Variants in TOP3A observed in about 807,000 individuals in gnomAD.
The protein encoded by TOP3A is DNA topoisomerase III alpha.
A neutral mutation model predicts 111.3 loss-of-function variants in TOP3A; 64 were observed. The ratio of observed to expected loss-of-function variants is 0.57; its 90% confidence interval spans 0.47 to 0.71. TOP3A has a LOEUF of 0.71. Among genes scored for constraint, TOP3A ranks in the 30% least tolerant of loss-of-function variants. TOP3A has a pLI of 0.00. For missense variants in TOP3A, 1,104 were observed against 1,285.0 expected (o/e 0.86, Z 2.15); for synonymous variants, 484 against 485.1 (o/e 1.00, Z 0.03).
intron 15 of TOP3A, among the ~76,000 whole-genome samples, chr17:18,283,788 A>AGG (rs1979916537): frequency 6.6e-6 from 1 of 152,090 alleles, no homozygotes; most frequent in African/African-American, 2.4e-5. Context: ...CCTTGGTTTG[A>AGG]TTCTCAATAG....
In TOP3A at chr17:18,273,082, G is replaced by C. The variant is rs1979096811; in HGVS notation, c.*1720C>G. ...CAGGGCCACAACCCACACCCACTCG[G>C]AGATGTTCCAGGAACAATCTCAGGA... On this transcript the variant is annotated 3_prime_UTR_variant, in exon 19 of 19. Coordinates refer to ENST00000321105, the MANE Select transcript of TOP3A (RefSeq NM_004618.5). 1 of 152,034 alleles carries C rather than the reference G, an allele frequency of 6.6e-6. No individual in the cohort carries two copies. The highest frequency in any genetic ancestry group is 2.4e-5 in the African/African-American group (1 of 41,370). 9.4% of individuals were successfully genotyped at this position (152,034 alleles called of 1,614,324 possible). A position where few individuals can be genotyped will look rare whatever the true frequency, so the allele number is the denominator to read the frequency against.
chr17:18,275,093 A>T, intron 18 of TOP3A, 113 bp from the exon 19 acceptor site: 1 of 1,436,228 alleles, frequency 7.0e-7, no homozygotes, highest in Non-Finnish European at 9.3e-7. Flanking sequence ...CTGAGGGAGG[A>T]GGATTGCTTG....
Position 18,305,133 on chromosome 17 carries a change from T to C in TOP3A, c.478A>G (p.Ile160Val). 1 of 1,614,138 alleles carries C rather than the reference T, an allele frequency of 6.2e-7. No individual in the cohort carries two copies. The highest frequency in any genetic ancestry group is 1.1e-5 in the South Asian group (1 of 91,080). ...DREGENIGFE[I>V]IHVCKAVKPN... ...TTACCAGCCTTACACACGTGGATAA[T>C]CTCAAACCCGATGTTTTCGCCTTCT... The change falls in exon 5 of 19, where the codon ATT becomes GTT. Residue 160 changes from isoleucine to valine, a missense_variant. Transcript: ENST00000321105.
intron 9 of TOP3A, among the ~76,000 whole-genome samples, chr17:18,298,447 G>A (rs1174042906): frequency 4.1e-5 from 6 of 147,518 alleles, no homozygotes; most frequent in South Asian, 2.2e-4. Context: ...TCAGCCCCCC[G>A]CCCGGCCAGC....
chr17:18,284,480 C>T (rs1979968970), intron 15 of TOP3A, among the ~76,000 whole-genome samples: 1 of 152,150 alleles, frequency 6.6e-6, no homozygotes, highest in East Asian at 1.9e-4. Flanking sequence ...CCAGACCGAT[C>T]CCAAGGCTAC....
Position 18,274,609 on chromosome 17 carries a change from T to G in TOP3A, c.*193A>C, listed in dbSNP as rs1377546018. On this transcript the variant is annotated 3_prime_UTR_variant, in exon 19 of 19. Transcript: ENST00000321105. ...TCCTGAGGCCTGGGAAGAGGGTCAC[T>G]GTCCAGCAGAGCTGGCCTGCTCCAG... 3 of 909,800 alleles carry G rather than the reference T, an allele frequency of 3.3e-6. No homozygotes were observed. The African/African-American group carries it at 5.0e-5, about 15-fold the overall frequency. 56.4% of individuals were successfully genotyped at this position (909,800 alleles called of 1,614,324 possible).
chr17:18,287,188 G>T (rs894468885), intron 13 of TOP3A, among the ~76,000 whole-genome samples: 3 of 152,096 alleles, frequency 2.0e-5, no homozygotes, highest in African/African-American at 7.2e-5. Flanking sequence ...GTTTGAGGGT[G>T]CAAGTTCAAG....
At chr17:18,302,186 T>A in intron 7 of TOP3A, 78 bp downstream of exon 7, 1 of 1,490,448 alleles carries the variant, frequency 6.7e-7, no homozygotes, top group South Asian at 1.3e-5. Context: ...TCTTTATTAG[T>A]GCTATTAATG....
At chr17:18,283,773 C>T (rs1979915471) in intron 15 of TOP3A, among the ~76,000 whole-genome samples, 1 of 152,144 alleles carries the variant, frequency 6.6e-6, no homozygotes, top group Non-Finnish European at 1.5e-5. Flanking sequence ...TTCCTCAGAC[C>T]CCCTCCTTGG....
rs746026602 is a variant in TOP3A at position 18,306,888 on chromosome 17, T to C, written c.390+3A>G. 9.3e-6 allele frequency: 15 copies of C among 1,605,364 alleles called. No homozygotes were observed. Among genetic ancestry groups the C allele is most frequent in the East Asian group, 2.2e-5 (1 of 44,842 alleles). ...GTGCCATATGTCTTCCAAAAGACCCTACCTTGATGTCTACAAAATTCTCTG... is the reference window on the plus strand; with the variant it reads ...GTGCCATATGTCTTCCAAAAGACCCCACCTTGATGTCTACAAAATTCTCTG... On this transcript the variant is annotated splice_donor_region_variant and intron_variant, in intron 4 of 18. Coordinates refer to ENST00000321105, the MANE Select transcript of TOP3A (RefSeq NM_004618.5).
chr17:18,284,475 C>G (rs1979968375), intron 15 of TOP3A, among the ~76,000 whole-genome samples: 1 of 152,186 alleles, frequency 6.6e-6, no homozygotes, highest in African/African-American at 2.4e-5. Flanking sequence ...GACAACCAGA[C>G]CGATCCCAAG....
At chr17:18,314,231 T>C (rs1046877082) in intron 1 of TOP3A, among the ~76,000 whole-genome samples, 2 of 152,144 alleles carry the variant, frequency 1.3e-5, no homozygotes, top group African/African-American at 2.4e-5. Flanking sequence ...ATCTGGTCAG[T>C]AGTTCCCAAA....
chr17:18,287,993 C>G (rs1453240250), intron 13 of TOP3A, among the ~76,000 whole-genome samples: 1 of 151,466 alleles, frequency 6.6e-6, no homozygotes, highest in African/African-American at 2.4e-5. Context: ...GAGCAAAACT[C>G]CATCTCAAAC....
rs759893283 is a variant in TOP3A at position 18,301,930 on chromosome 17, G to GT, written c.869_870insA (p.Phe291LeufsTer2). Reference sequence around the variant, plus strand: ...GAACTAGGCAAGCCGTGTGGTTAAAGAGTCGATGCCTTTTCCAGTTGAATT... The same window carrying GT: ...GAACTAGGCAAGCCGTGTGGTTAAAGTAGTCGATGCCTTTTCCAGTTGAATT... On this transcript the variant is annotated frameshift_variant, in exon 8 of 19. Coordinates refer to ENST00000321105, the MANE Select transcript of TOP3A (RefSeq NM_004618.5). LOFTEE classifies it high-confidence loss of function. 24 of 1,614,088 alleles carry GT rather than the reference G, an allele frequency of 1.5e-5. No homozygotes were observed. Among genetic ancestry groups the GT allele is most frequent in the Non-Finnish European group, 1.9e-5 (22 of 1,180,044 alleles).
Position 18,297,450 on chromosome 17 carries a change from C to CTCCCTG in TOP3A, c.990+2108_990+2109insCAGGGA, listed in dbSNP as rs1243774401. 5.1e-3 allele frequency among the ~76,000 whole-genome samples: 778 copies of CTCCCTG among 151,850 alleles called. 8 individuals are homozygous for CTCCCTG. Among genetic ancestry groups the CTCCCTG allele is most frequent in the Middle Eastern group, 0.024 (7 of 292 alleles). ...TGTCCCTGTCCCTGTCCCTCTCCCT[C>CTCCCTG]TCCCCACGGTCTCCGTCTCCCTCTC... is the stretch of plus-strand genomic sequence containing the variant. On this transcript the variant is annotated intron_variant, in intron 9 of 18. Coordinates refer to ENST00000321105, the MANE Select transcript of TOP3A (RefSeq NM_004618.5).
At position 18,305,235 on chromosome 17, in the gene TOP3A, G is replaced by A; in HGVS notation, c.391-15C>T. The A allele has an allele frequency of 6.3e-7, 1 of 1,599,490 alleles. No individual in the cohort carries two copies. The highest frequency in any genetic ancestry group is 8.6e-7 in the Non-Finnish European group (1 of 1,166,876). The stretch of plus-strand genomic sequence containing the variant: ...TCCAAAGTTTTCTTAAGTTCGCAGT[G>A]GAATAAGAGTGGTGAGAACAGAATT... On this transcript the variant is annotated splice_polypyrimidine_tract_variant and intron_variant, in intron 4 of 18. Transcript: ENST00000321105.
Position 18,307,047 on chromosome 17 carries a change from T to C in TOP3A, c.315-81A>G, listed in dbSNP as rs576710956. 27 of 983,906 alleles carry C rather than the reference T, an allele frequency of 2.7e-5. No individual in the cohort carries two copies. The South Asian group carries it at 2.9e-4, about 10-fold the overall frequency. The allele number at this position is 983,906 out of a possible 1,614,324, so 60.9% of individuals were successfully genotyped here. ...ATCTAATGACAGCAAACTGTTCCAA[T>C]GGGTTCATGGTGTATCCCCAAAAGA... On this transcript the variant is annotated intron_variant, in intron 3 of 18. Transcript: ENST00000321105.
chr17:18,292,224 C>T (rs549481238), intron 11 of TOP3A, among the ~76,000 whole-genome samples: 6 of 152,284 alleles, frequency 3.9e-5, no homozygotes, highest in African/African-American at 1.4e-4. Flanking sequence ...ACAAGCAGAG[C>T]TGTGTGGGAA....
Position 18,285,511 on chromosome 17 carries a change from G to A in TOP3A, c.1607C>T (p.Ala536Val), listed in dbSNP as rs749764762. Residue 536 changes from alanine (A) to valine (V), a missense_variant, in exon 14 of 19, where the codon GCC (alanine) becomes GTC (valine). Physicochemically the swap from Ala to Val is moderately conservative, Grantham distance 64. Coordinates refer to ENST00000321105, the MANE Select transcript of TOP3A (RefSeq NM_004618.5). Reference sequence around the variant, plus strand: ...GGTCTCGATGTGCTCCGCATGAGTGGCATCCGTACCTGGAAGCCACTTGCT... The same window carrying A: ...GGTCTCGATGTGCTCCGCATGAGTGACATCCGTACCTGGAAGCCACTTGCT... ...LMEKHGIGTD[A>V]THAEHIETIK... The A allele has an allele frequency of 1.9e-6, 3 of 1,613,720 alleles. No homozygotes were observed. The highest frequency in any genetic ancestry group is 1.7e-6 in the Non-Finnish European group (2 of 1,179,990).
Sources: allele counts gnomAD v4.1 joint callset (sites outside exome capture counted in the v4.1 genomes callset), GRCh38; gene constraint gnomAD v4.1.1; transcripts MANE v1.5; gene names NCBI Gene and HGNC (gene_info 2026-07-23, HGNC 2026-07-21).